CCDC7: variants seen among roughly 807,000 people sequenced by gnomAD.
The protein encoded by CCDC7 is coiled-coil domain-containing protein 7.
A neutral mutation model predicts 196.9 loss-of-function variants in CCDC7; 183 were observed. The ratio of observed to expected loss-of-function variants is 0.93; its 90% CI spans 0.82 to 1.05. CCDC7 has a LOEUF of 1.05. Among genes scored for constraint, CCDC7 ranks in the 50% least tolerant of loss-of-function variants. CCDC7 has a pLI of 0.00. For missense variants in CCDC7, 1,540 were observed against 1,482.2 expected (o/e 1.04, Z -0.64); for synonymous variants, 525 against 484.6 (o/e 1.08, Z -1.10).
chr10:32,456,245 C>A lies in CCDC7; in HGVS notation c.373-6C>A. 1 of 1,518,332 alleles carries A rather than the reference C, an allele frequency of 6.6e-7. No homozygotes were observed. Among genetic ancestry groups the A allele is most frequent in the Non-Finnish European group, 8.9e-7 (1 of 1,118,300 alleles). The allele number at this position is 1,518,332 out of a possible 1,614,324, so 94.1% of individuals were successfully genotyped here. On this transcript the variant is annotated splice_polypyrimidine_tract_variant and splice_region_variant and intron_variant, in intron 2 of 41. Coordinates refer to ENST00000639629, the Ensembl canonical transcript of CCDC7. ...TAACTTTATGTTTTATTATTCTTTTCAAAAGGTTGGGGATGATATGAATTC... is the reference window on the plus strand; with the variant it reads ...TAACTTTATGTTTTATTATTCTTTTAAAAAGGTTGGGGATGATATGAATTC...
At chr10:32,473,944 T>C in intron 7 of CCDC7, 23 bp from the exon 9 acceptor site, 2 of 1,590,094 alleles carry the variant, frequency 1.3e-6, no homozygotes, top group South Asian at 1.2e-5. Context: ...AAGTTTATAG[T>C]GACAAATACA....
intron 20 of CCDC7, among the ~76,000 whole-genome samples, chr10:32,662,555 T>G (rs1443896314): frequency 6.6e-6 from 1 of 152,158 alleles, no homozygotes; most frequent in African/African-American, 2.4e-5. Flanking sequence ...AAGCATCTAA[T>G]GGAGAGCCCC....
chr10:32,869,072 G>A (rs867521174), intron 41 of CCDC7, among the ~76,000 whole-genome samples: 33 of 152,036 alleles, frequency 2.2e-4, no homozygotes, highest in Admixed American at 3.9e-4. Flanking sequence ...ATAATCCTTT[G>A]GGTATATACC....
intron 20 of CCDC7, among the ~76,000 whole-genome samples, chr10:32,657,207 C>G (rs1012737908): frequency 3.9e-5 from 6 of 152,174 alleles, no homozygotes; most frequent in African/African-American, 1.4e-4. Context: ...AGTGGATCTT[C>G]CATTCTGGGG....
At chr10:32,807,723 G>A (rs982823396) in intron 30 of CCDC7, among the ~76,000 whole-genome samples, 2 of 151,752 alleles carry the variant, frequency 1.3e-5, no homozygotes, top group African/African-American at 2.4e-5. Context: ...TACAGGCCCT[G>A]ACCAGTGGCA....
At chr10:32,854,291 A>G in intron 40 of CCDC7, 109 bp from the exon 42 acceptor site, 1 of 656,670 alleles carries the variant, frequency 1.5e-6, no homozygotes, top group Non-Finnish European at 2.5e-6. Flanking sequence ...ACTGAAAAAA[A>G]GTTGTAAGGA....
chr10:32,812,136 TA>T (rs1322117455), intron 30 of CCDC7, among the ~76,000 whole-genome samples: 4 of 152,048 alleles, frequency 2.6e-5, no homozygotes, highest in African/African-American at 9.7e-5. Flanking sequence ...GCTGAGGTGA[TA>T]TTCTAAATAA....
intron 25 of CCDC7, among the ~76,000 whole-genome samples, chr10:32,722,871 C>T (rs1486728680): frequency 2.0e-5 from 3 of 152,204 alleles, no homozygotes; most frequent in South Asian, 2.1e-4. Flanking sequence ...TGCAATGCTC[C>T]TCTATATCCC....
At chr10:32,461,865 G>A (rs1379581454) in intron 3 of CCDC7, among the ~76,000 whole-genome samples, 1 of 150,630 alleles carries the variant, frequency 6.6e-6, no homozygotes, top group Non-Finnish European at 1.5e-5. Context: ...TCCGCCTCCC[G>A]GGTTCAAGTG....
At chr10:32,731,337 GTGTC>G (rs1339642972) in intron 28 of CCDC7, among the ~76,000 whole-genome samples, 1 of 152,000 alleles carries the variant, frequency 6.6e-6, no homozygotes, top group African/African-American at 2.4e-5. Flanking sequence ...TCAGTTCAAT[GTGTC>G]TGTCTTTGTC....
intron 23 of CCDC7, among the ~76,000 whole-genome samples, chr10:32,689,892 G>A (rs768924787): frequency 2.6e-5 from 4 of 152,000 alleles, no homozygotes; most frequent in Non-Finnish European, 2.9e-5. Context: ...ACACCACCAC[G>A]TCTGCCTAAT....
At chr10:32,811,718 C>G (rs1263124432) in intron 30 of CCDC7, among the ~76,000 whole-genome samples, 2 of 151,978 alleles carry the variant, frequency 1.3e-5, no homozygotes, top group Non-Finnish European at 2.9e-5. Context: ...GTAACTCAGT[C>G]TACAAGGCCA....
At chr10:32,579,498 G>A (rs2058542306) in intron 16 of CCDC7, among the ~76,000 whole-genome samples, 1 of 152,092 alleles carries the variant, frequency 6.6e-6, no homozygotes, top group Non-Finnish European at 1.5e-5. Flanking sequence ...GAAAGAAACA[G>A]CAAACAGTAT....
chr10:32,622,736 G>A (rs1196446931), intron 18 of CCDC7, among the ~76,000 whole-genome samples: 2 of 151,996 alleles, frequency 1.3e-5, no homozygotes, highest in African/African-American at 2.4e-5. Context: ...ATGTAATTGA[G>A]CACCGCTAAA....
At chr10:32,559,732 C>T (rs1388686198) in intron 13 of CCDC7, among the ~76,000 whole-genome samples, 1 of 152,110 alleles carries the variant, frequency 6.6e-6, no homozygotes, top group Non-Finnish European at 1.5e-5. Flanking sequence ...AAAAACAGAG[C>T]AGAAAAACTG....
intron 29 of CCDC7, among the ~76,000 whole-genome samples, chr10:32,798,445 G>A (rs1049062191): frequency 6.6e-6 from 1 of 152,198 alleles, no homozygotes; most frequent in Admixed American, 6.5e-5. Context: ...AAGAGGCTGA[G>A]TGGTGTCCAC....
chr10:32,729,002 G>C lies in CCDC7; in HGVS notation c.2779+5G>C, dbSNP rs777447785. The C allele has an allele frequency of 6.5e-7, 1 of 1,532,020 alleles. No individual in the cohort carries two copies. The highest frequency in any genetic ancestry group is 1.2e-5 in the South Asian group (1 of 86,896). The allele number at this position is 1,532,020 out of a possible 1,614,324, so 94.9% of individuals were successfully genotyped here. A position where few individuals can be genotyped will look rare whatever the true frequency, so the allele number is the denominator to read the frequency against. On this transcript the variant is annotated splice_donor_5th_base_variant and intron_variant, in intron 27 of 41. Transcript: ENST00000639629. ...CTGGAGTGGAAAGACACAAGAGTGA[G>C]TATAATAATTATCGATAACTTTAAA...
intron 11 of CCDC7, among the ~76,000 whole-genome samples, chr10:32,531,795 A>G (rs1564568110): frequency 6.6e-6 from 1 of 152,316 alleles, no homozygotes; most frequent in East Asian, 1.9e-4. Flanking sequence ...GAGTGTGTCC[A>G]GGAATTTATC....
At chr10:32,716,771 T>G (rs2081650769) in intron 25 of CCDC7, among the ~76,000 whole-genome samples, 1 of 152,104 alleles carries the variant, frequency 6.6e-6, no homozygotes, top group East Asian at 1.9e-4. Flanking sequence ...AAACAGATTT[T>G]AAACAAACAA....
Sources: gnomAD v4.1 joint callset for allele counts (sites outside exome capture counted in the v4.1 genomes callset) on GRCh38, gnomAD v4.1.1 for gene constraint, MANE v1.5 for transcripts, NCBI Gene and HGNC (gene_info 2026-07-23, HGNC 2026-07-21) for gene names.